PALD1: variants seen among roughly 807,000 people sequenced by gnomAD.
The protein encoded by PALD1 is phosphatase domain containing paladin 1.
PALD1 carries 57 observed loss-of-function variants against 96.0 expected under a neutral mutation model. The observed-to-expected ratio is 0.59, with a 90% CI of 0.48 to 0.74. The LOEUF is 0.74. Among genes scored for constraint, PALD1 ranks in the 30% least tolerant of loss-of-function variants. The probability of loss-of-function intolerance (pLI) is 0.00; values close to 1 mark genes in which losing one functional copy is unlikely to be tolerated. For synonymous variants in PALD1, 464 were observed against 473.6 expected, an observed-to-expected ratio of 0.98 and a Z score of 0.26; for missense variants, 1,063 against 1,143.7, an observed-to-expected ratio of 0.93 and a Z score of 1.02.
the PALD1 span, among the ~76,000 whole-genome samples, chr10:70,458,694 G>A: frequency 6.5e-4 from 99 of 152,306 alleles, no homozygotes; most frequent in Admixed American, 3.1e-3. Flanking sequence ...GAGACGCTCC[G>A]GCGCGAGCTC....
At chr10:70,557,161 C>G (rs1170171294) in intron 18 of PALD1, among the ~76,000 whole-genome samples, 2 of 152,234 alleles carry the variant, frequency 1.3e-5, no homozygotes, top group African/African-American at 4.8e-5. Context: ...CCCTGTGGAA[C>G]CTTGGGCAAG....
intron 19 of PALD1, among the ~76,000 whole-genome samples, chr10:70,566,230 G>A (rs1024147793): frequency 6.6e-5 from 10 of 152,286 alleles, no homozygotes; most frequent in Non-Finnish European, 8.8e-5. Context: ...CTGCATCCAC[G>A]TTCTTCCTCC....
At chr10:70,497,568 T>C (rs1305417543) in intron 1 of PALD1, among the ~76,000 whole-genome samples, 3 of 151,578 alleles carry the variant, frequency 2.0e-5, no homozygotes, top group East Asian at 1.9e-4. Context: ...TAAAAACTTT[T>C]TTTTTTTTTT....
chr10:70,544,503 CTGAG>C (rs922710327), intron 17 of PALD1, among the ~76,000 whole-genome samples: 5 of 151,934 alleles, frequency 3.3e-5, no homozygotes, highest in Non-Finnish European at 5.9e-5. Flanking sequence ...GAGGCAGGAG[CTGAG>C]TGAGGAGGGG....
chr10:70,553,886 C>T (rs12415107), intron 18 of PALD1, among the ~76,000 whole-genome samples: 26,696 of 152,256 alleles, frequency 0.18, 2,727 homozygotes, highest in Admixed American at 0.29. Context: ...GACAAGAACA[C>T]ATCCCAGACA....
intron 1 of PALD1, among the ~76,000 whole-genome samples, chr10:70,509,617 C>T (rs186093267): frequency 2.0e-5 from 3 of 152,182 alleles, no homozygotes; most frequent in Admixed American, 6.5e-5. Flanking sequence ...GAGGCCCATT[C>T]ATTTCCACTG....
At chr10:70,516,348 G>A (rs1032934462) in intron 1 of PALD1, among the ~76,000 whole-genome samples, 3 of 152,136 alleles carry the variant, frequency 2.0e-5, no homozygotes, top group African/African-American at 7.2e-5. Flanking sequence ...TGGTCAGGCT[G>A]GTCTTGAATT....
the PALD1 span, among the ~76,000 whole-genome samples, chr10:70,472,108 G>A: frequency 6.6e-6 from 1 of 152,310 alleles, no homozygotes; most frequent in South Asian, 2.1e-4. Context: ...GCCCCTGGGA[G>A]GTTGTGTCAG....
the PALD1 span, among the ~76,000 whole-genome samples, chr10:70,461,552 T>C: frequency 6.6e-6 from 1 of 152,174 alleles, no homozygotes; most frequent in East Asian, 1.9e-4. Flanking sequence ...GCCAAAGTTG[T>C]CCTGCTGCCA....
upstream of PALD1, among the ~76,000 whole-genome samples, chr10:70,476,984 T>C (rs1845833263): frequency 6.6e-6 from 1 of 152,198 alleles, no homozygotes; most frequent in African/African-American, 2.4e-5. Flanking sequence ...TGCATGTTTA[T>C]GTATATATTT....
At chr10:70,485,217 A>AG (rs1481178623) in intron 1 of PALD1, 1 of 151,728 alleles carries the variant, frequency 6.6e-6, no homozygotes, top group Non-Finnish European at 1.5e-5. Context: ...TTAAGTATGT[A>AG]GGATTCATCT....
intron 1 of PALD1, among the ~76,000 whole-genome samples, chr10:70,522,255 T>G (rs1015357796): frequency 3.3e-5 from 5 of 152,306 alleles, no homozygotes; most frequent in Non-Finnish European, 5.9e-5. Context: ...AATTGCAGCT[T>G]CTTTGCAGCT....
chr10:70,534,703 C>CCCCAACCA, intron 9 of PALD1, 36 bp from the exon 10 acceptor site: 1 of 1,347,552 alleles, frequency 7.4e-7, no homozygotes, highest in Non-Finnish European at 1.1e-6. Flanking sequence ...CCCACCCCCC[C>CCCCAACCA]ACCTCCCTCT....
intron 10 of PALD1, among the ~76,000 whole-genome samples, chr10:70,535,400 T>C: frequency 8.4e-6 from 1 of 118,674 alleles, no homozygotes; most frequent in African/African-American, 3.2e-5. Flanking sequence ...CCCCTCTTTT[T>C]CCTCACCCTC....
upstream of PALD1, among the ~76,000 whole-genome samples, chr10:70,477,846 C>G (rs561614445): frequency 2.6e-5 from 4 of 152,286 alleles, no homozygotes; most frequent in Non-Finnish European, 5.9e-5. Flanking sequence ...AAGGATTTCC[C>G]GAGTGTGGAG....
Position 70,539,185 on chromosome 10 carries a change from T to A in PALD1, c.1663T>A (p.Cys555Ser). Residue 555 changes from cysteine to serine, a missense_variant, in exon 14 of 20, where the codon TGT becomes AGT. By Grantham distance (112) the Cys-to-Ser change is moderately radical. Transcript: ENST00000263563. The surrounding 1 kb of genome is among the most constrained non-coding windows in gnomAD (Gnocchi z 4.5). Reference sequence around the variant, plus strand: ...CCTTCGGGAGGAGGCCGTGTTGGAGTGTGACGGGCACACCTACAGCCTGCG... The same window carrying A: ...CCTTCGGGAGGAGGCCGTGTTGGAGAGTGACGGGCACACCTACAGCCTGCG... ...VSLREEAVLE[C>S]DGHTYSLRWP... 6.2e-7 allele frequency: 1 copy of A among 1,612,978 alleles called. No individual in the cohort carries two copies. Among genetic ancestry groups the A allele is most frequent in the Non-Finnish European group, 8.5e-7 (1 of 1,179,596 alleles).
Position 70,541,156 on chromosome 10 carries a change from A to C in PALD1, c.1963A>C (p.Thr655Pro). ...LRAALSKDPG[T>P]GFVFSCLSGQ... ...GGCCGCCCTCTCCAAGGACCCAGGCACTGGCTTCGTGTTCAGCTGCCTCAG... is the reference window on the plus strand; with the variant it reads ...GGCCGCCCTCTCCAAGGACCCAGGCCCTGGCTTCGTGTTCAGCTGCCTCAG... Residue 655 changes from threonine (T) to proline (P), a missense_variant, in exon 16 of 20, where the codon ACT becomes CCT. Physicochemically the swap from Thr to Pro is conservative, Grantham distance 38. Transcript: ENST00000263563. 1.2e-6 allele frequency: 2 copies of C among 1,613,650 alleles called. No homozygotes were observed. The highest frequency in any genetic ancestry group is 1.7e-6 in the Non-Finnish European group (2 of 1,179,782).
At chr10:70,531,913 G>A (rs1847000614) in intron 5 of PALD1, among the ~76,000 whole-genome samples, 1 of 150,832 alleles carries the variant, frequency 6.6e-6, no homozygotes, top group Admixed American at 6.6e-5. Flanking sequence ...AACCTGGGAG[G>A]CGGAGGTTGC....
At chr10:70,544,495 G>A (rs1847320427) in intron 17 of PALD1, among the ~76,000 whole-genome samples, 2 of 152,044 alleles carry the variant, frequency 1.3e-5, no homozygotes, top group Admixed American at 1.3e-4. Flanking sequence ...TGGAGGGAGA[G>A]GCAGGAGCTG....
Sources: allele counts gnomAD v4.1 joint callset (sites outside exome capture counted in the v4.1 genomes callset), GRCh38; gene constraint gnomAD v4.1.1; non-coding constraint Gnocchi (gnomAD v3.1); transcripts MANE v1.5; gene names NCBI Gene and HGNC (gene_info 2026-07-23, HGNC 2026-07-21).